Variants in KIAA1671 observed in about 807,000 individuals in gnomAD.
KIAA1671 encodes the protein KIAA1671, also known as uncharacterized protein KIAA1671.
KIAA1671 carries 52 observed loss-of-function variants against 131.2 expected under a neutral mutation model. The ratio of observed to expected loss-of-function variants is 0.40; its 90% CI spans 0.32 to 0.50. The LOEUF is 0.50. KIAA1671 is among the 20% of genes least tolerant of loss of function. The probability of loss-of-function intolerance (pLI) is 0.73; values close to 1 mark genes in which losing one functional copy is unlikely to be tolerated. For missense variants in KIAA1671, 2,360 were observed against 2,364.2 expected (o/e 1.00, Z 0.04); for synonymous variants, 1,003 against 961.6 (o/e 1.04, Z -0.80).
chr22:25,031,856 C>T (rs1926312314), intron 3 of KIAA1671, among the ~76,000 whole-genome samples: 1 of 152,170 alleles, frequency 6.6e-6, no homozygotes, highest in African/African-American at 2.4e-5. Flanking sequence ...CCTCACATAT[C>T]CCAGGAGACA....
At chr22:25,179,545 C>T (rs1248852766) in intron 9 of KIAA1671, 4 of 1,586,996 alleles carry the variant, frequency 2.5e-6, no homozygotes, top group Non-Finnish European at 3.4e-6. Context: ...TCAGCACCTG[C>T]GCCTCCTGCG....
At chr22:25,138,459 T>C (rs931924624) in intron 6 of KIAA1671, among the ~76,000 whole-genome samples, 3 of 152,214 alleles carry the variant, frequency 2.0e-5, no homozygotes, top group Non-Finnish European at 4.4e-5. Context: ...CCTGACACAG[T>C]CTCAACATGA....
Position 25,028,686 on chromosome 22 carries a change from C to A in KIAA1671, c.687C>A (p.Arg229=). Residue 229 remains arginine (R), a synonymous_variant, in exon 3 of 13, where the codon CGC becomes CGA. Transcript: ENST00000358431. The part of the protein sequence containing the change: ...SKASSVEDTA[R]PLVEPRPRLK... ...CCAGCAGTGTGGAGGACACGGCACG[C>A]CCCCTTGTGGAGCCCAGGCCTCGCC... 6.4e-7 allele frequency: 1 copy of A among 1,551,182 alleles called. No individual in the cohort carries two copies. Among genetic ancestry groups the A allele is most frequent in the Non-Finnish European group, 8.7e-7 (1 of 1,147,006 alleles).
chr22:25,025,165 T>TAGCAGCTACCAAGTCAGG (rs1925873436), intron 1 of KIAA1671, among the ~76,000 whole-genome samples: 1 of 54,578 alleles, frequency 1.8e-5, no homozygotes, highest in Non-Finnish European at 4.4e-5. Flanking sequence ...ACCAAGTGAG[T>TAGCAGCTACCAAGTCAGG]CAGCACCTCG....
chr22:25,067,780 C>G (rs953344468), intron 6 of KIAA1671, among the ~76,000 whole-genome samples: 1 of 152,218 alleles, frequency 6.6e-6, no homozygotes, highest in Admixed American at 6.5e-5. Context: ...CTGACTGTGG[C>G]CCCTGTCAGC....
At chr22:24,992,498 G>A (rs9624692) in intron 1 of KIAA1671, among the ~76,000 whole-genome samples, 46,424 of 151,856 alleles carry the variant, frequency 0.31, 7,483 homozygotes, top group African/African-American at 0.36. Flanking sequence ...CACATAGTAG[G>A]AGACTGGTAA....
At chr22:25,000,418 C>T (rs1267470691) in intron 1 of KIAA1671, among the ~76,000 whole-genome samples, 2 of 101,976 alleles carry the variant, frequency 2.0e-5, no homozygotes, top group African/African-American at 7.3e-5. Flanking sequence ...TGGTCTCGAT[C>T]TCCTGACCTC....
chr22:25,171,006 C>A, intron 7 of KIAA1671, 68 bp downstream of exon 7: 1 of 1,232,790 alleles, frequency 8.1e-7, no homozygotes, highest in Non-Finnish European at 1.2e-6. Context: ...GCAGCCCACC[C>A]ACCTCCTGAT....
chr22:25,145,945 G>GAAA (rs11337979), intron 6 of KIAA1671, among the ~76,000 whole-genome samples: 1 of 135,124 alleles, frequency 7.4e-6, no homozygotes, highest in Non-Finnish European at 1.6e-5. Flanking sequence ...ATCTCTAAAA[G>GAAA]AAAAAAAAAA....
intron 6 of KIAA1671, among the ~76,000 whole-genome samples, chr22:25,103,864 C>T (rs535251541): frequency 3.9e-5 from 6 of 152,306 alleles, no homozygotes; most frequent in South Asian, 2.1e-4. Flanking sequence ...ATACGACTCA[C>T]GCTCAAGTGT....
At chr22:25,142,794 G>A (rs747048743) in intron 6 of KIAA1671, among the ~76,000 whole-genome samples, 1 of 152,162 alleles carries the variant, frequency 6.6e-6, no homozygotes, top group Admixed American at 6.5e-5. Context: ...ACTTGAACCC[G>A]GGAGGTAGAG....
Position 24,967,774 on chromosome 22 carries a change from T to C in KIAA1671, c.-208+15002T>C, listed in dbSNP as rs574764411. On this transcript the variant is annotated intron_variant, in intron 1 of 12. Transcript: ENST00000358431. ...CTGGGAGGCCAAGGTGGGCGGATCA[T>C]GAGGTCAGGAGATCGAGACCATCCT... is the stretch of plus-strand genomic sequence containing the variant. Among the ~76,000 whole-genome samples, 259 of 152,218 alleles carry C rather than the reference T, an allele frequency of 1.7e-3. 2 individuals carry two copies. The Middle Eastern group carries it at 0.02, about 12-fold the overall frequency.
chr22:24,956,682 C>T (rs960515271), intron 1 of KIAA1671, among the ~76,000 whole-genome samples: 3 of 151,786 alleles, frequency 2.0e-5, no homozygotes, highest in Admixed American at 6.6e-5. Flanking sequence ...CTGGCTAACA[C>T]GGTGAAACCC....
At chr22:24,984,777 G>A (rs1216007991) in intron 1 of KIAA1671, among the ~76,000 whole-genome samples, 1 of 151,978 alleles carries the variant, frequency 6.6e-6, no homozygotes, top group Non-Finnish European at 1.5e-5. Flanking sequence ...AGATGGGCTT[G>A]GCGGCATGTG....
intron 6 of KIAA1671, chr22:25,061,982 C>T (rs9612846): frequency 0.24 from 36,822 of 151,416 alleles, 6,588 homozygotes; most frequent in African/African-American, 0.51. Flanking sequence ...CCTGTTTTTT[C>T]TCCTCCTTTT....
intron 6 of KIAA1671, among the ~76,000 whole-genome samples, chr22:25,075,122 T>A (rs1307386621): frequency 1.3e-5 from 2 of 152,328 alleles, no homozygotes; most frequent in South Asian, 4.1e-4. Context: ...AACTCCAGAC[T>A]AAATTCCAGT....
chr22:25,146,373 T>C (rs764911858), intron 6 of KIAA1671, among the ~76,000 whole-genome samples: 1 of 152,220 alleles, frequency 6.6e-6, no homozygotes, highest in Admixed American at 6.5e-5. Flanking sequence ...GCACTTCTTT[T>C]GTTTTTTGTT....
chr22:24,991,033 A>G (rs1376342709), intron 1 of KIAA1671, among the ~76,000 whole-genome samples: 2 of 151,716 alleles, frequency 1.3e-5, no homozygotes, highest in Admixed American at 1.3e-4. Context: ...TTTTATTTTT[A>G]TTTTTTTGAG....
At chr22:25,168,918 T>A (rs1933743219) in intron 6 of KIAA1671, among the ~76,000 whole-genome samples, 1 of 152,032 alleles carries the variant, frequency 6.6e-6, no homozygotes, top group Non-Finnish European at 1.5e-5. Context: ...GGGGCTCACT[T>A]TCAAGGGGCC....
Sources: gnomAD v4.1 joint callset for allele counts (sites outside exome capture counted in the v4.1 genomes callset) on GRCh38, gnomAD v4.1.1 for gene constraint, MANE v1.5 for transcripts, NCBI Gene and HGNC (gene_info 2026-07-23, HGNC 2026-07-21) for gene names.